Variants in DHX8 observed in about 807,000 individuals in gnomAD.
The protein encoded by DHX8 is ATP-dependent RNA helicase DHX8.
A neutral mutation model predicts 140.7 loss-of-function variants in DHX8; 67 were observed. That is an observed-to-expected ratio of 0.48 (90% CI 0.39 to 0.58). The LOEUF is 0.58. Ranked by LOEUF, DHX8 falls within the 20% of genes least tolerant of loss-of-function variation. DHX8 has a pLI of 0.00. For synonymous variants in DHX8, 533 were observed against 553.2 expected (o/e 0.96, Z 0.51); for missense variants, 887 against 1,550.7 (o/e 0.57, Z 7.19).
chr17:43,489,534 G>A lies in DHX8; in HGVS notation c.234G>A (p.Thr78=), dbSNP rs774649144. ...TCGTCAAAAATGGTGCAGAATTTAC[G>A]GTATGTATATGTGGAGAAGATAATC... ...ASLVKNGAEF[T]DSLISNLLRL... The change falls in exon 2 of 23, where the codon ACG becomes ACA. Residue 78 remains threonine, a splice_region_variant and synonymous_variant. Transcript: ENST00000262415. 13 of 1,577,162 alleles carry A rather than the reference G, an allele frequency of 8.2e-6. No homozygotes were observed. The highest frequency in any genetic ancestry group is 3.3e-5 in the South Asian group (3 of 90,008).
downstream of DHX8, chr17:43,526,747 G>A (rs901339479): frequency 8.0e-5 from 107 of 1,332,462 alleles, no homozygotes; most frequent in South Asian, 2.8e-4. Context: ...TTCCCACCAC[G>A]ATAGCTTGGC....
rs1280785589 is a variant in DHX8, at chr17:43,523,680, A to G, written c.3496A>G (p.Thr1166Ala). 1.9e-6 allele frequency: 3 copies of G among 1,614,150 alleles called. No individual in the cohort carries two copies. Among genetic ancestry groups the G allele is most frequent in the Admixed American group, 1.7e-5 (1 of 60,018 alleles). ...CACCAAGGAATACATGCGTGAAGTT[A>G]CCACCATCGACCCTCGGTGGCTTGT... is the stretch of plus-strand genomic sequence containing the variant. ...LTTKEYMREV[T>A]TIDPRWLVEF... The change falls in exon 23 of 23, where the codon ACC becomes GCC. Residue 1166 changes from threonine to alanine, a missense_variant. This residue lies in a region of DHX8 where 101 missense variants were observed against 168.2 expected (regional missense o/e 0.60). Coordinates refer to ENST00000262415, the MANE Select transcript of DHX8 (RefSeq NM_004941.3).
At chr17:43,511,295 A>C (rs1969812075) in intron 16 of DHX8, among the ~76,000 whole-genome samples, 1 of 151,984 alleles carries the variant, frequency 6.6e-6, no homozygotes. Flanking sequence ...GTGCCATTGC[A>C]CTCCAGCCTG....
At chr17:43,512,612 A>G (rs748333925) in intron 16 of DHX8, among the ~76,000 whole-genome samples, 1 of 152,140 alleles carries the variant, frequency 6.6e-6, no homozygotes, top group Non-Finnish European at 1.5e-5. Context: ...ATTCCTAATA[A>G]TGAGAGTTCT....
At chr17:43,541,632 G>C (rs533853095) in intron 3 of DHX8, among the ~76,000 whole-genome samples, 1 of 152,260 alleles carries the variant, frequency 6.6e-6, no homozygotes, top group South Asian at 2.1e-4. Flanking sequence ...CTCACCATAG[G>C]TTAGCCACCC....
chr17:43,508,040 T>C (rs1242045231), intron 15 of DHX8, 21 bp downstream of exon 15: 1 of 1,609,054 alleles, frequency 6.2e-7, no homozygotes. Context: ...AAAGCAATTT[T>C]CCTTTTTGGG....
intron 17 of DHX8, 58 bp from the exon 18 acceptor site, chr17:43,517,109 G>A (rs1314162765): frequency 2.0e-6 from 3 of 1,516,710 alleles, no homozygotes; most frequent in Non-Finnish European, 2.7e-6. Context: ...GATATCCTGG[G>A]TAAAGCTGTT....
In DHX8 at chr17:43,522,215, A is replaced by C; in HGVS notation, c.3432A>C (p.Arg1144Ser). 6.2e-7 allele frequency: 1 copy of C among 1,613,156 alleles called. No individual in the cohort carries two copies. The highest frequency in any genetic ancestry group is 8.5e-7 in the Non-Finnish European group (1 of 1,179,342). The change falls in exon 22 of 23, where the codon AGA becomes AGC. Residue 1144 changes from arginine to serine, a missense_variant. Physicochemically the swap from Arg to Ser is moderately radical, Grantham distance 110 (BLOSUM62 -1). This residue lies in a region of DHX8 where 101 missense variants were observed against 168.2 expected (regional missense o/e 0.60). Coordinates refer to ENST00000262415, the MANE Select transcript of DHX8 (RefSeq NM_004941.3). Reference protein sequence around the residue: ...YIHPSSALFNRQPEWVVYHEL... With the variant: ...YIHPSSALFNSQPEWVVYHEL... ...ATCCTTCCAGTGCCCTCTTCAACAG[A>C]CAGCCAGAATGGTAGGTGGACATGT... is the stretch of plus-strand genomic sequence containing the variant.
intron 3 of DHX8, among the ~76,000 whole-genome samples, chr17:43,537,238 A>ACCC (rs1598208501): frequency 6.6e-6 from 1 of 151,824 alleles, no homozygotes; most frequent in East Asian, 1.9e-4. Flanking sequence ...TGTTGGCGGG[A>ACCC]GCCTATAATC....
In DHX8 at chr17:43,537,987, G is replaced by A. The variant is rs141228619; in HGVS notation, c.*20+1489G>A. Among the ~76,000 whole-genome samples, 590 of 152,110 alleles carry A rather than the reference G, an allele frequency of 3.9e-3. 6 individuals carry two copies. Among genetic ancestry groups the A allele is most frequent in the African/African-American group, 0.011 (471 of 41,500 alleles). ...ACTAAAAATACAAAAAAAATTAGCC[G>A]GGTGTGGTGGCGGGTGCCTGTAGTC... On this transcript the variant is annotated intron_variant, in intron 3 of 3. Coordinates refer to the DHX8 transcript ENST00000589898.
At position 43,490,637 on chromosome 17, in the gene DHX8, C is replaced by G. The variant is rs1001228848; in HGVS notation, c.307+174C>G. 8.3e-6 allele frequency: 5 copies of G among 601,468 alleles called. No individual in the cohort carries two copies. The Admixed American group carries it at 1.3e-4, about 16-fold the overall frequency. The allele number at this position is 601,468 out of a possible 1,614,324, so 37.3% of individuals were successfully genotyped here. A position where few individuals can be genotyped will look rare whatever the true frequency, so the allele number is the denominator to read the frequency against. On this transcript the variant is annotated intron_variant, in intron 3 of 22. Transcript: ENST00000262415. ...GCTGGAATCCCAGCACTTTGGGAGG[C>G]CAAGGTGGGAGTATCACTTGAGCCC...
intron 2 of DHX8, chr17:43,533,819 C>T: frequency 6.2e-7 from 1 of 1,602,744 alleles, no homozygotes; most frequent in South Asian, 1.1e-5. Context: ...TCCTCTGGAA[C>T]CCTTCTCCTA....
chr17:43,491,328 T>C, intron 4 of DHX8, 78 bp downstream of exon 4: 1 of 789,256 alleles, frequency 1.3e-6, no homozygotes, highest in Non-Finnish European at 1.9e-6. Flanking sequence ...GTAATTTTAT[T>C]AATTTTAAGT....
rs780539192 is a variant in DHX8 at position 43,520,747 on chromosome 17, C to T, written c.2938-4C>T. On this transcript the variant is annotated splice_region_variant and splice_polypyrimidine_tract_variant and intron_variant, in intron 19 of 22. Transcript: ENST00000262415. ...GCAGTTGTAGTCTTTTTTTGTCCCT[C>T]TAGATGGCAGAGTTCCCTCTGGAGC... is the stretch of plus-strand genomic sequence containing the variant. 1.2e-5 allele frequency: 19 copies of T among 1,613,684 alleles called. No individual in the cohort carries two copies. The highest frequency in any genetic ancestry group is 1.6e-5 in the Non-Finnish European group (19 of 1,179,930).
chr17:43,493,735 T>C lies in DHX8; in HGVS notation c.1061T>C (p.Leu354Pro). Residue 354 changes from leucine to proline, a missense_variant, in exon 8 of 23, where the codon CTT becomes CCT. Physicochemically the swap from Leu to Pro is moderately conservative, Grantham distance 98. Coordinates refer to ENST00000262415, the MANE Select transcript of DHX8 (RefSeq NM_004941.3). ...CTAAACCCAAATAGACGGCGAAATC[T>C]TGTCGGGGAGACCAATGAGGAGACC... ...EDLNPNRRRN[L>P]VGETNEETSM... 2 of 1,614,206 alleles carry C rather than the reference T, an allele frequency of 1.2e-6. No individual in the cohort carries two copies. The highest frequency in any genetic ancestry group is 1.7e-6 in the Non-Finnish European group (2 of 1,180,036).
At chr17:43,534,029 C>G in intron 2 of DHX8, 1 of 1,464,306 alleles carries the variant, frequency 6.8e-7, no homozygotes, top group Non-Finnish European at 8.9e-7. Context: ...GCCTGTCACA[C>G]AAGAGGCAGG....
At chr17:43,509,571 C>T (rs1969694405) in intron 16 of DHX8, among the ~76,000 whole-genome samples, 1 of 151,756 alleles carries the variant, frequency 6.6e-6, no homozygotes, top group South Asian at 2.1e-4. Flanking sequence ...GCAACCTCTG[C>T]CTTTCAGGCT....
chr17:43,492,482 T>C (rs911567073), intron 5 of DHX8, among the ~76,000 whole-genome samples, 190 bp downstream of exon 5: 3 of 152,190 alleles, frequency 2.0e-5, no homozygotes, highest in African/African-American at 7.2e-5. Context: ...AATATAGAAG[T>C]CAGGGTTGAA....
chr17:43,536,366 A>G, intron 2 of DHX8: 1 of 1,436,904 alleles, frequency 7.0e-7, no homozygotes, highest in Non-Finnish European at 9.8e-7. Context: ...TCTCTATCCT[A>G]TGACTCACTT....
Sources: allele counts gnomAD v4.1 joint callset (sites outside exome capture counted in the v4.1 genomes callset), GRCh38; gene constraint gnomAD v4.1.1; regional missense constraint gnomAD v4.1.1; transcripts MANE v1.5; gene names NCBI Gene and HGNC (gene_info 2026-07-23, HGNC 2026-07-21).